RBMS3: variants seen among roughly 807,000 people sequenced by gnomAD.
The protein encoded by RBMS3 is RNA-binding motif, single-stranded-interacting protein 3.
RBMS3 carries 27 observed loss-of-function variants against 66.8 expected under a neutral mutation model. The ratio of observed to expected loss-of-function variants is 0.40; its 90% CI spans 0.30 to 0.56. The LOEUF is 0.56. RBMS3 is among the 20% of genes least tolerant of loss of function. The pLI, the probability that RBMS3 is intolerant of heterozygous loss-of-function variation, is 0.40. For synonymous variants in RBMS3, 188 were observed against 183.0 expected (o/e 1.03, Z -0.22); for missense variants, 513 against 549.5 (o/e 0.93, Z 0.66).
rs112037847 is a variant in RBMS3 at position 29,835,374 on chromosome 3, A to G, written c.638-33484A>G. On this transcript the variant is annotated intron_variant, in intron 6 of 14. Coordinates refer to ENST00000383767, the MANE Select transcript of RBMS3 (RefSeq NM_001003793.3). Reference sequence around the variant, plus strand: ...CACAAAGCATTCTCCTGAATAGATCATATGTTAATCCACAAAACAATTGTT... The same window carrying G: ...CACAAAGCATTCTCCTGAATAGATCGTATGTTAATCCACAAAACAATTGTT... 7.1e-3 allele frequency among the ~76,000 whole-genome samples: 1,083 copies of G among 152,130 alleles called. 13 individuals are homozygous for G. The highest frequency in any genetic ancestry group is 0.024 in the African/African-American group (997 of 41,568).
At chr3:29,680,969 C>A (rs978204025) in intron 4 of RBMS3, among the ~76,000 whole-genome samples, 1 of 152,074 alleles carries the variant, frequency 6.6e-6, no homozygotes, top group African/African-American at 2.4e-5. Context: ...TTGCTGTCAC[C>A]CTGGAAATTA....
At chr3:29,674,171 G>A (rs1457396157) in intron 4 of RBMS3, among the ~76,000 whole-genome samples, 2 of 152,138 alleles carry the variant, frequency 1.3e-5, no homozygotes, top group African/African-American at 4.8e-5. Flanking sequence ...TATCTCAATA[G>A]ATGCAGAAAA....
chr3:29,940,562 T>C (rs2061368963), intron 11 of RBMS3, among the ~76,000 whole-genome samples: 1 of 151,856 alleles, frequency 6.6e-6, no homozygotes, highest in African/African-American at 2.4e-5. Flanking sequence ...CTCTTCCTTT[T>C]AAAGTCCCTG....
Position 29,836,800 on chromosome 3 carries a change from T to C in RBMS3, c.638-32058T>C, listed in dbSNP as rs190635715. Among the ~76,000 whole-genome samples, 535 of 151,614 alleles carry C rather than the reference T, an allele frequency of 3.5e-3. 3 individuals carry two copies. Among genetic ancestry groups the C allele is most frequent in the Non-Finnish European group, 5.8e-3 (393 of 67,874 alleles). ...ATTTCACTATATATATATATATATA[T>C]ATCTGAAAACATCACATTGTACACC... On this transcript the variant is annotated intron_variant, in intron 6 of 14. Transcript: ENST00000383767.
chr3:29,329,917 T>C lies in RBMS3; in HGVS notation c.75+48161T>C, dbSNP rs542492469. 2.0e-5 allele frequency among the ~76,000 whole-genome samples: 3 copies of C among 148,128 alleles called. No homozygotes were observed. In the East Asian group the frequency reaches 5.8e-4, roughly 29 times the overall value. On this transcript the variant is annotated intron_variant, in intron 1 of 14. Coordinates refer to ENST00000383767, the MANE Select transcript of RBMS3 (RefSeq NM_001003793.3). ...ATTAATATATATATTAATATAACTA[T>C]AGAATTAATATATATATTAATATAA...
chr3:29,525,590 A>G (rs1356363128), intron 3 of RBMS3, among the ~76,000 whole-genome samples: 4 of 152,210 alleles, frequency 2.6e-5, no homozygotes, highest in Non-Finnish European at 5.9e-5. Flanking sequence ...CCTTGAGTCC[A>G]AAGGTCAATA....
chr3:29,458,346 G>A (rs558063163), intron 2 of RBMS3, among the ~76,000 whole-genome samples: 5 of 152,228 alleles, frequency 3.3e-5, no homozygotes, highest in East Asian at 1.9e-4. Context: ...CAGATGGTTC[G>A]TAATGACTCA....
chr3:29,465,880 G>A (rs2042526565), intron 2 of RBMS3, among the ~76,000 whole-genome samples: 1 of 152,020 alleles, frequency 6.6e-6, no homozygotes, highest in Non-Finnish European at 1.5e-5. Context: ...AATTGGGTCT[G>A]AGCATATTAT....
chr3:29,990,135 A>G (rs1698732454), intron 13 of RBMS3, among the ~76,000 whole-genome samples: 1 of 152,212 alleles, frequency 6.6e-6, no homozygotes, highest in African/African-American at 2.4e-5. Context: ...ACATTTATCA[A>G]TATCTATAAA....
chr3:29,402,997 G>A (rs1017415178), intron 1 of RBMS3, among the ~76,000 whole-genome samples: 9 of 151,654 alleles, frequency 5.9e-5, no homozygotes, highest in African/African-American at 2.2e-4. Flanking sequence ...ACAAGGTCCT[G>A]TAGCAACTGA....
At chr3:29,392,902 G>GAA (rs5847566) in intron 1 of RBMS3, among the ~76,000 whole-genome samples, 3,409 of 144,626 alleles carry the variant, frequency 0.024, 140 homozygotes, top group African/African-American at 0.081. Context: ...AGTGTCTACA[G>GAA]AAAAAAAAAA....
intron 1 of RBMS3, among the ~76,000 whole-genome samples, chr3:29,405,922 G>A (rs142289357): frequency 6.6e-6 from 1 of 152,160 alleles, no homozygotes. Context: ...GATTGAAACA[G>A]TACTTGAATG....
chr3:29,388,296 G>T (rs1311862694), intron 1 of RBMS3, among the ~76,000 whole-genome samples: 1 of 152,138 alleles, frequency 6.6e-6, no homozygotes, highest in Non-Finnish European at 1.5e-5. Flanking sequence ...CTTCAGAAAA[G>T]TATAAACTTC....
chr3:29,671,830 G>A (rs139963230), intron 4 of RBMS3, among the ~76,000 whole-genome samples: 8 of 152,156 alleles, frequency 5.3e-5, no homozygotes, highest in Admixed American at 1.3e-4. Context: ...AAGTGACGGG[G>A]AGAATGGAAC....
chr3:29,471,168 G>T (rs765654928), intron 2 of RBMS3, among the ~76,000 whole-genome samples: 1 of 152,172 alleles, frequency 6.6e-6, no homozygotes, highest in Non-Finnish European at 1.5e-5. Context: ...GCATATCTGT[G>T]TGTGAAGGAG....
At position 29,346,396 on chromosome 3, in the gene RBMS3, CTTTTTTTT is replaced by C. The variant is rs34803214; in HGVS notation, c.75+64658_75+64665del. 1.0e-4 allele frequency among the ~76,000 whole-genome samples: 6 copies of C among 59,996 alleles called. No homozygotes were observed. In the South Asian group the frequency reaches 4.4e-3, roughly 44 times the overall value. The allele number at this position is 59,996 out of a possible 152,430, so 39.4% of individuals were successfully genotyped here. A position where few individuals can be genotyped will look rare whatever the true frequency, so the allele number is the denominator to read the frequency against. On this transcript the variant is annotated intron_variant, in intron 1 of 14. Transcript: ENST00000383767. ...TGAATCCTAGTAAAGGCAATTCATT[CTTTTTTTT>C]TTTTTTTTTTTTTTTTTGAGATGGA...
At chr3:29,588,102 A>G (rs2047597180) in intron 4 of RBMS3, among the ~76,000 whole-genome samples, 1 of 152,046 alleles carries the variant, frequency 6.6e-6, no homozygotes, top group Non-Finnish European at 1.5e-5. Context: ...TATCTTTGCA[A>G]TGTCTTATAA....
At chr3:29,411,161 A>G (rs767613475) in intron 1 of RBMS3, among the ~76,000 whole-genome samples, 4 of 152,182 alleles carry the variant, frequency 2.6e-5, no homozygotes, top group Non-Finnish European at 4.4e-5. Context: ...TCCATTCATC[A>G]TAAACAGGCT....
intron 4 of RBMS3, among the ~76,000 whole-genome samples, chr3:29,639,813 GGAAGAAGGCCA>G (rs1382190749): frequency 1.3e-5 from 2 of 151,750 alleles, no homozygotes; most frequent in African/African-American, 4.8e-5. Flanking sequence ...GGTTTTTCTT[GGAAGAAGGCCA>G]GATATTTTTT....
Sources: allele counts gnomAD v4.1 joint callset (sites outside exome capture counted in the v4.1 genomes callset), GRCh38; gene constraint gnomAD v4.1.1; transcripts MANE v1.5; gene names NCBI Gene and HGNC (gene_info 2026-07-23, HGNC 2026-07-21).